Variants in PI4KA observed in about 807,000 individuals in gnomAD.
PI4KA encodes the protein phosphatidylinositol 4-kinase alpha.
In PI4KA, 122 loss-of-function variants were observed where a neutral mutation model predicts 271.4. The observed-to-expected ratio is 0.45, with a 90% CI of 0.39 to 0.52. The LOEUF (loss-of-function observed/expected upper bound fraction) is 0.52, where lower values mean the gene tolerates loss of function less well. Ranked by LOEUF, PI4KA falls within the 20% of genes least tolerant of loss-of-function variation. The pLI is 0.00. For synonymous variants in PI4KA, 1,041 were observed against 1,078.8 expected (o/e 0.96, Z 0.69); for missense variants, 1,969 against 2,769.1 (o/e 0.71, Z 6.48).
Position 20,824,386 on chromosome 22 carries a change from G to A in PI4KA, c.396C>T (p.Ser132=). 6.2e-7 allele frequency: 1 copy of A among 1,613,148 alleles called. No homozygotes were observed. The highest frequency in any genetic ancestry group is 1.7e-4 in the Middle Eastern group (1 of 6,060). ...RGALPVAESF[S]FCLVTLLSDV... ...CAGACAGCAGAGTTACCAAGCAGAA[G>A]CTGAAGCTCTCTGCAACCGGGAGGG... Residue 132 remains serine (S), a synonymous_variant, in exon 4 of 55, where the codon AGC becomes AGT. Transcript: ENST00000255882.
Position 20,858,583 on chromosome 22 carries a change from G to A in PI4KA, c.143C>T (p.Ala48Val). 7.0e-7 allele frequency: 1 copy of A among 1,429,874 alleles called. No individual in the cohort carries two copies. The highest frequency in any genetic ancestry group is 9.2e-7 in the Non-Finnish European group (1 of 1,090,972). The allele number at this position is 1,429,874 out of a possible 1,614,324, so 88.6% of individuals were successfully genotyped here. ...CGCCGACGTTACCTTCTCCAAGGAT[G>A]CTGGTCTCTGCACCGCCAGGGAGCG... ...LARSLAVQRP[A>V]SLEKVQKLLC... The change falls in exon 1 of 55, where the codon GCA becomes GTA. Residue 48 changes from alanine (A) to valine (V), a missense_variant. This residue lies in a region of PI4KA where 540 missense variants were observed against 555.5 expected (regional missense o/e 0.97). Transcript: ENST00000255882.
At position 20,747,820 on chromosome 22, in the gene PI4KA, G is replaced by A. The variant is rs12163213; in HGVS notation, c.3244-118C>T. The A allele has an allele frequency of 5.6e-6, 5 of 889,734 alleles. No individual in the cohort carries two copies. In the Admixed American group the frequency reaches 6.9e-5, roughly 12 times the overall value. 55.1% of individuals were successfully genotyped at this position (889,734 alleles called of 1,614,324 possible). A position where few individuals can be genotyped will look rare whatever the true frequency, so the allele number is the denominator to read the frequency against. On this transcript the variant is annotated intron_variant, in intron 28 of 54. Transcript: ENST00000255882. ...CACGATCATGGCTCATTGCAGCCTC[G>A]ACCTCTTAGACTCAAGCCATCCTCC...
intron 19 of PI4KA, among the ~76,000 whole-genome samples, chr22:20,771,107 C>A (rs1639300112): frequency 6.6e-6 from 1 of 152,028 alleles, no homozygotes; most frequent in Non-Finnish European, 1.5e-5. Context: ...GTATGTGTGA[C>A]AGGAGGTACT....
At chr22:20,750,531 C>A (rs940160993) in intron 27 of PI4KA, among the ~76,000 whole-genome samples, 3 of 152,264 alleles carry the variant, frequency 2.0e-5, no homozygotes, top group Non-Finnish European at 2.9e-5. Flanking sequence ...CCCACACACA[C>A]TATGATCTGT....
chr22:20,824,604 C>A (rs933366529), intron 3 of PI4KA, among the ~76,000 whole-genome samples, 190 bp from the exon 4 acceptor site: 1 of 152,110 alleles, frequency 6.6e-6, no homozygotes, highest in Non-Finnish European at 1.5e-5. Context: ...AACACCCTTA[C>A]CTTTCCTTTA....
rs762380493 is a variant in PI4KA, at chr22:20,751,340, C to T, written c.3106G>A (p.Asp1036Asn). 8.1e-6 allele frequency: 13 copies of T among 1,613,866 alleles called. No individual in the cohort carries two copies. Among genetic ancestry groups the T allele is most frequent in the South Asian group, 2.2e-5 (2 of 91,080 alleles). ...GGAACCGTGATCCGGTAGGGGGCGT[C>T]GGGGATGTCATAGTAAGGCTGATCC... ...HKDQPYYDIP[D>N]APYRITVPDT... Residue 1036 changes from aspartate to asparagine, a missense_variant, in exon 27 of 55, where the codon GAC becomes AAC. By Grantham distance (23) the Asp-to-Asn change is conservative. Around this residue, in one of 13 missense-constraint regions of PI4KA, gnomAD observed 368 missense variants for 544.3 expected, o/e 0.68. Transcript: ENST00000255882.
chr22:20,793,665 G>A (rs951270390), intron 18 of PI4KA, among the ~76,000 whole-genome samples: 3 of 152,226 alleles, frequency 2.0e-5, no homozygotes, highest in African/African-American at 7.2e-5. Context: ...GAAGAAATCT[G>A]TCAAAGTGTT....
chr22:20,816,089 G>C (rs969320338), intron 7 of PI4KA, among the ~76,000 whole-genome samples: 2 of 151,982 alleles, frequency 1.3e-5, no homozygotes, highest in South Asian at 4.2e-4. Flanking sequence ...ATAGGTGTGA[G>C]CCACTGCACC....
chr22:20,781,994 T>C (rs895947346), intron 19 of PI4KA, among the ~76,000 whole-genome samples: 1 of 152,216 alleles, frequency 6.6e-6, no homozygotes, highest in African/African-American at 2.4e-5. Flanking sequence ...AATGAAACTG[T>C]AGATTACAAT....
At chr22:20,750,050 C>A in intron 27 of PI4KA, 56 bp from the exon 28 acceptor site, 1 of 1,126,926 alleles carries the variant, frequency 8.9e-7, no homozygotes, top group Non-Finnish European at 1.4e-6. Context: ...TCTGAGCTGC[C>A]GTAGTGACTG....
rs563441336 is a variant in PI4KA, at chr22:20,765,601, G to A, written c.2421C>T (p.Phe807=). Residue 807 remains phenylalanine (F), a synonymous_variant, in exon 20 of 55, where the codon TTC becomes TTT. Transcript: ENST00000255882. The part of the protein sequence containing the change: ...DFWLYSVLMG[F]AVEGSGLWPE... ...TCCCCCTACCTGAGCCCTCCACAGC[G>A]AATCCCATCAGAACGGAATACAGCC... The A allele has an allele frequency of 4.7e-5, 75 of 1,602,760 alleles. 1 individual carries two copies. In the South Asian group the frequency reaches 7.6e-4, roughly 16 times the overall value.
At chr22:20,828,896 A>T (rs1923794306) in intron 3 of PI4KA, among the ~76,000 whole-genome samples, 1 of 152,148 alleles carries the variant, frequency 6.6e-6, no homozygotes. Flanking sequence ...TTTTATGAAA[A>T]GCCTCTTCTG....
chr22:20,750,042 T>C (rs773192446), intron 27 of PI4KA, 48 bp from the exon 28 acceptor site: 8 of 1,233,730 alleles, frequency 6.5e-6, no homozygotes, highest in Non-Finnish European at 7.2e-6. Context: ...TCAGTTCATC[T>C]GAGCTGCCGT....
intron 19 of PI4KA, among the ~76,000 whole-genome samples, chr22:20,775,180 T>C (rs1398635721): frequency 6.6e-6 from 1 of 151,252 alleles, no homozygotes; most frequent in Admixed American, 6.6e-5. Flanking sequence ...GAAAGCACAA[T>C]ATGAAGTTCC....
At chr22:20,802,684 C>T (rs202142764) in intron 13 of PI4KA, among the ~76,000 whole-genome samples, 9 of 152,174 alleles carry the variant, frequency 5.9e-5, no homozygotes, top group East Asian at 1.9e-4. Flanking sequence ...TACAGGTGAG[C>T]GCCATCACGC....
intron 1 of PI4KA, among the ~76,000 whole-genome samples, chr22:20,844,012 A>G (rs1162545587): frequency 6.6e-6 from 1 of 152,046 alleles, no homozygotes; most frequent in Non-Finnish European, 1.5e-5. Flanking sequence ...AATTCAACCC[A>G]TCCTTCCAAG....
chr22:20,809,755 T>G (rs1935889253), intron 9 of PI4KA, among the ~76,000 whole-genome samples: 1 of 151,808 alleles, frequency 6.6e-6, no homozygotes, highest in Admixed American at 6.6e-5. Flanking sequence ...TGAAAAAGGG[T>G]TGGAGACAAG....
Position 20,708,031 on chromosome 22 carries a change from C to G in PI4KA, c.*16G>C. The G allele has an allele frequency of 6.2e-7, 1 of 1,606,474 alleles. No individual in the cohort carries two copies. The highest frequency in any genetic ancestry group is 8.5e-7 in the Non-Finnish European group (1 of 1,173,322). The stretch of plus-strand genomic sequence containing the variant: ...TTTGAGGGCACATGGGGCAGAGGCC[C>G]TCGAAGGTCCCCTCCTCAGTAGGGG... On this transcript the variant is annotated 3_prime_UTR_variant, in exon 55 of 55. Transcript: ENST00000255882.
chr22:20,830,294 T>C (rs1923983812), intron 3 of PI4KA, among the ~76,000 whole-genome samples: 1 of 152,218 alleles, frequency 6.6e-6, no homozygotes, highest in Non-Finnish European at 1.5e-5. Context: ...CTCTAAGAAC[T>C]TGCTTTATGA....
Sources: gnomAD v4.1 joint callset for allele counts (sites outside exome capture counted in the v4.1 genomes callset) on GRCh38, gnomAD v4.1.1 for gene constraint, gnomAD v4.1.1 regional missense constraint, MANE v1.5 for transcripts, NCBI Gene and HGNC (gene_info 2026-07-23, HGNC 2026-07-21) for gene names.